Variants in TMEM130 observed in about 807,000 individuals in gnomAD.
The protein encoded by TMEM130 is transmembrane protein 130.
A neutral mutation model predicts 42.9 loss-of-function variants in TMEM130; 37 were observed. The ratio of observed to expected loss-of-function variants is 0.86; its 90% CI spans 0.66 to 1.13. TMEM130 has a LOEUF of 1.13. Among genes scored for constraint, TMEM130 ranks in the 50% most tolerant of loss-of-function variants. The probability of loss-of-function intolerance (pLI) is 0.00; values close to 1 mark genes in which losing one functional copy is unlikely to be tolerated. For missense variants in TMEM130, 545 were observed against 562.6 expected, an observed-to-expected ratio of 0.97 and a Z score of 0.32; for synonymous variants, 259 against 237.7, an observed-to-expected ratio of 1.09 and a Z score of -0.82.
rs191559202 is a variant in TMEM130, at chr7:98,847,957, C to T, written c.*99G>A. On this transcript the variant is annotated 3_prime_UTR_variant, in exon 8 of 8. Coordinates refer to ENST00000339375, the MANE Select transcript of TMEM130 (RefSeq NM_152913.3). ...TGGATGATCCAGGCCAACAGCCCCA[C>T]GCAAATGAACCCCTCCTGGTCAGTG... 7.3e-4 allele frequency: 880 copies of T among 1,212,564 alleles called. 2 individuals are homozygous for T. In the East Asian group the frequency reaches 9.9e-3, roughly 14 times the overall value. The allele number at this position is 1,212,564 out of a possible 1,614,324, so 75.1% of individuals were successfully genotyped here.
chr7:98,850,654 T>A (rs781789193), intron 6 of TMEM130, among the ~76,000 whole-genome samples: 2 of 151,984 alleles, frequency 1.3e-5, no homozygotes, highest in Non-Finnish European at 2.9e-5. Context: ...GTTCAATCAG[T>A]CCACCCGCCT....
In TMEM130 at chr7:98,869,617, G is replaced by A. The variant is rs2116152448; in HGVS notation, c.85+160C>T. On this transcript the variant is annotated intron_variant, in intron 1 of 7. Coordinates refer to ENST00000339375, the MANE Select transcript of TMEM130 (RefSeq NM_152913.3). This position sits in a 1 kb window ranked among gnomAD's most constrained non-coding sequence, Gnocchi z 4.7. ...GGGGAACAAGGATGAAAGGAGAGGG[G>A]AAAGGGCGCTGCAGTGGCCTCAGCC... Among the ~76,000 whole-genome samples, 1 of 152,336 alleles carries A rather than the reference G, an allele frequency of 6.6e-6. No individual in the cohort carries two copies. The highest frequency in any genetic ancestry group is 1.9e-4 in the East Asian group (1 of 5,162).
Position 98,851,453 on chromosome 7 carries a change from TGTGTCTTGCTGATGATA to T in TMEM130, c.957_973del (p.Asn319LysfsTer75). 1 of 1,614,070 alleles carries T rather than the reference TGTGTCTTGCTGATGATA, an allele frequency of 6.2e-7. No homozygotes were observed. Among genetic ancestry groups the T allele is most frequent in the Non-Finnish European group, 8.5e-7 (1 of 1,180,022 alleles). The stretch of plus-strand genomic sequence containing the variant: ...CCACACCTGGATCTTGTGGTACTGA[TGTGTCTTGCTGATGATA>T]TTCTCGGCCCGGATGCTGAAGCAGT... On this transcript the variant is annotated frameshift_variant, in exon 6 of 8. Transcript: ENST00000339375. LOFTEE classifies it high-confidence loss of function.
chr7:98,852,535 C>T (rs1233086915), intron 5 of TMEM130, among the ~76,000 whole-genome samples: 5 of 152,172 alleles, frequency 3.3e-5, no homozygotes, highest in South Asian at 2.1e-4. Context: ...GCTGGGATTA[C>T]AGGCATGAGC....
intron 1 of TMEM130, chr7:98,866,375 A>AAAACCCC (rs1794908519): frequency 6.6e-6 from 1 of 152,262 alleles, no homozygotes; most frequent in Admixed American, 6.5e-5. Flanking sequence ...AACAGGGTGG[A>AAAACCCC]AAACCCCTCT....
chr7:98,869,704 CT>C lies in TMEM130; in HGVS notation c.85+72del. On this transcript the variant is annotated intron_variant, in intron 1 of 7. Transcript: ENST00000339375. This position sits in a 1 kb window ranked among gnomAD's most constrained non-coding sequence, Gnocchi z 4.7. ...TCCGCAATCCCTGCTCCCGGGCCCA[CT>C]CGCCCGCTGAGACGGTTCCAGGCCC... 1.7e-6 allele frequency: 2 copies of C among 1,155,846 alleles called. No homozygotes were observed. The highest frequency in any genetic ancestry group is 1.1e-6 in the Non-Finnish European group (1 of 891,492). The allele number at this position is 1,155,846 out of a possible 1,614,324, so 71.6% of individuals were successfully genotyped here. A position where few individuals can be genotyped will look rare whatever the true frequency, so the allele number is the denominator to read the frequency against.
chr7:98,853,521 G>A lies in TMEM130; in HGVS notation c.803+1719C>T, dbSNP rs782578025. ...CACGCACCTGTAATCCCAGCTACTC[G>A]GGAGGCTGAGGCAGGAGAATCGCTT... On this transcript the variant is annotated intron_variant, in intron 5 of 7. Transcript: ENST00000339375. 1.2e-4 allele frequency among the ~76,000 whole-genome samples: 18 copies of A among 152,300 alleles called. No homozygotes were observed. In the South Asian group the frequency reaches 1.2e-3, roughly 11 times the overall value.
At chr7:98,854,032 GTTTT>G in intron 5 of TMEM130, among the ~76,000 whole-genome samples, 1 of 104,480 alleles carries the variant, frequency 9.6e-6, no homozygotes, top group Middle Eastern at 6.0e-3. Flanking sequence ...TTGTTTTTTG[GTTTT>G]TTTTTGTTTT....
rs1554397672 is a variant in TMEM130, at chr7:98,848,226, A to G, written c.1120-18T>C. 6.2e-7 allele frequency: 1 copy of G among 1,613,628 alleles called. No homozygotes were observed. Among genetic ancestry groups the G allele is most frequent in the African/African-American group, 1.3e-5 (1 of 74,974 alleles). On this transcript the variant is annotated intron_variant, in intron 7 of 7. Transcript: ENST00000339375. ...TCCGGGTTCTTGTCAGACATGGGGG[A>G]AAAGTCAAAATCAGCCACCTATGAT...
intron 2 of TMEM130, among the ~76,000 whole-genome samples, chr7:98,862,501 T>C (rs1240620513): frequency 2.9e-5 from 4 of 135,746 alleles, no homozygotes; most frequent in East Asian, 2.1e-4. Context: ...TTTTTTTTTT[T>C]TTTTTTTTTT....
rs192589486 is a variant in TMEM130 at position 98,855,150 on chromosome 7, T to A, written c.803+90A>T. On this transcript the variant is annotated intron_variant, in intron 5 of 7. Coordinates refer to ENST00000339375, the MANE Select transcript of TMEM130 (RefSeq NM_152913.3). ...TCCATGAGGTCCCAGACCTGAGGCC[T>A]GTCACAGAGCAGAACAGACTTGGGG... The A allele has an allele frequency of 1.3e-4, 152 of 1,182,372 alleles. 1 individual carries two copies. The African/African-American group carries it at 2.2e-3, about 17-fold the overall frequency. 73.2% of individuals were successfully genotyped at this position (1,182,372 alleles called of 1,614,324 possible).
At chr7:98,856,590 T>C (rs1794640778) in intron 3 of TMEM130, among the ~76,000 whole-genome samples, 1 of 152,202 alleles carries the variant, frequency 6.6e-6, no homozygotes, top group Admixed American at 6.5e-5. Flanking sequence ...CTTGAATTCC[T>C]GGGCTTGAGC....
chr7:98,853,440 C>T (rs563781032), intron 5 of TMEM130, among the ~76,000 whole-genome samples: 134 of 152,156 alleles, frequency 8.8e-4, no homozygotes, highest in Non-Finnish European at 1.5e-3. Flanking sequence ...CCAGCCTGGC[C>T]GACATGATGA....
chr7:98,854,590 G>T (rs1214524344), intron 5 of TMEM130, among the ~76,000 whole-genome samples: 1 of 152,128 alleles, frequency 6.6e-6, no homozygotes, highest in Admixed American at 6.5e-5. Context: ...ATTAAAAATT[G>T]GCCAGGCATG....
chr7:98,860,233 G>C lies in TMEM130; in HGVS notation c.497C>G (p.Pro166Arg). 1 of 1,614,102 alleles carries C rather than the reference G, an allele frequency of 6.2e-7. No individual in the cohort carries two copies. The highest frequency in any genetic ancestry group is 1.1e-5 in the South Asian group (1 of 91,080). Residue 166 changes from proline (P) to arginine (R), a missense_variant, in exon 3 of 8, where the codon CCG becomes CGG. By Grantham distance (103) the Pro-to-Arg change is moderately radical (BLOSUM62 -2). Coordinates refer to ENST00000339375, the MANE Select transcript of TMEM130 (RefSeq NM_152913.3). ...VLKVSFLLHD[P>R]SNFLKTALFL... is the part of the protein sequence containing the mutation. ...CAAGGCGGTCTTGAGGAAGTTGCTC[G>C]GGTCGTGGAGGAGGAAGGAGACTTT...
intron 1 of TMEM130, among the ~76,000 whole-genome samples, chr7:98,867,245 C>T (rs559281015): frequency 3.9e-5 from 6 of 152,248 alleles, no homozygotes; most frequent in South Asian, 2.1e-4. Context: ...AGCTTTTCCA[C>T]GCAAACAGAG....
intron 5 of TMEM130, among the ~76,000 whole-genome samples, chr7:98,854,335 C>T (rs575749453): frequency 8.3e-4 from 126 of 152,252 alleles, no homozygotes; most frequent in Non-Finnish European, 1.2e-3. Context: ...AAATAGGCCA[C>T]GTCATACACA....
At position 98,856,059 on chromosome 7, in the gene TMEM130, T is replaced by C. The variant is rs782489795; in HGVS notation, c.676A>G (p.Lys226Glu). 1 of 1,613,714 alleles carries C rather than the reference T, an allele frequency of 6.2e-7. No homozygotes were observed. The highest frequency in any genetic ancestry group is 8.5e-7 in the Non-Finnish European group (1 of 1,180,002). Residue 226 changes from lysine (K) to glutamate (E), a missense_variant, in exon 4 of 8, where the codon AAG becomes GAG. Transcript: ENST00000339375. ...GCGGAGAAGTCCCCGGTCTTCTGCT[T>C]CACAGCCCTCGTGGCATCCGGCTCC... ...EVEPDATRAV[K>E]QKTGDFSASL...
At chr7:98,849,992 G>A (rs991910510) in intron 6 of TMEM130, among the ~76,000 whole-genome samples, 5 of 151,994 alleles carry the variant, frequency 3.3e-5, no homozygotes, top group Admixed American at 3.3e-4. Context: ...CTGGGCCGAT[G>A]ATAGTTTTGG....
Sources: gnomAD v4.1 joint callset for allele counts (sites outside exome capture counted in the v4.1 genomes callset) on GRCh38, gnomAD v4.1.1 for gene constraint, Gnocchi (gnomAD v3.1) non-coding constraint, MANE v1.5 for transcripts, NCBI Gene and HGNC (gene_info 2026-07-23, HGNC 2026-07-21) for gene names.